Variants in SORL1 observed in about 807,000 individuals in gnomAD.
SORL1 encodes the protein sortilin-related receptor.
In SORL1, 127 loss-of-function variants were observed where a neutral mutation model predicts 273.7. The ratio of observed to expected loss-of-function variants is 0.46; its 90% CI spans 0.40 to 0.54. SORL1 has a LOEUF of 0.54. Among genes scored for constraint, SORL1 ranks in the 20% least tolerant of loss-of-function variants. SORL1 has a pLI of 0.00. For missense variants in SORL1, 2,494 were observed against 2,846.1 expected (o/e 0.88, Z 2.81); for synonymous variants, 1,031 against 1,067.4 (o/e 0.97, Z 0.66).
intron 3 of SORL1, among the ~76,000 whole-genome samples, chr11:121,486,831 C>T (rs1290978007): frequency 6.6e-6 from 1 of 152,118 alleles, no homozygotes; most frequent in Non-Finnish European, 1.5e-5. Flanking sequence ...TGTGATGGCA[C>T]ACACCTGTAG....
intron 20 of SORL1, among the ~76,000 whole-genome samples, 166 bp from the exon 21 acceptor site, chr11:121,559,353 G>A (rs1862639063): frequency 6.6e-6 from 1 of 152,180 alleles, no homozygotes; most frequent in Admixed American, 6.5e-5. Context: ...ATATGGTGAG[G>A]TTTGGATAAA....
At chr11:121,591,361 A>G (rs553820471) in intron 31 of SORL1, among the ~76,000 whole-genome samples, 7 of 152,350 alleles carry the variant, frequency 4.6e-5, no homozygotes, top group African/African-American at 1.4e-4. Flanking sequence ...TGCATAGGAA[A>G]TTGGAATGGG....
At chr11:121,610,919 A>G in intron 38 of SORL1, 157 bp from the exon 39 acceptor site, 1 of 580,022 alleles carries the variant, frequency 1.7e-6, no homozygotes, top group Non-Finnish European at 3.1e-6. Flanking sequence ...TCAGGAAAAC[A>G]GTGGTAAAAA....
chr11:121,574,782 C>G (rs1162674071), intron 24 of SORL1, among the ~76,000 whole-genome samples: 1 of 152,052 alleles, frequency 6.6e-6, no homozygotes, highest in Admixed American at 6.6e-5. Flanking sequence ...GGGAAATGGA[C>G]CCTGCTTTGC....
At chr11:121,621,293 C>A in intron 44 of SORL1, 55 bp downstream of exon 44, 1 of 1,458,732 alleles carries the variant, frequency 6.9e-7, no homozygotes, top group Non-Finnish European at 9.4e-7. Flanking sequence ...CAGTGCTGTG[C>A]CGCTAGACCT....
intron 8 of SORL1, among the ~76,000 whole-genome samples, chr11:121,519,825 G>C (rs1163866057): frequency 6.6e-6 from 1 of 152,196 alleles, no homozygotes; most frequent in Non-Finnish European, 1.5e-5. Flanking sequence ...AATTTCGTTA[G>C]TGATGTAATA....
intron 8 of SORL1, 89 bp from the exon 9 acceptor site, chr11:121,520,568 G>A: frequency 1.1e-6 from 1 of 879,270 alleles, no homozygotes. Flanking sequence ...CCACAAAATT[G>A]TATACTTTTA....
Position 121,586,324 on chromosome 11 carries a change from A to C in SORL1, c.3809A>C (p.His1270Pro). 6.2e-7 allele frequency: 1 copy of C among 1,611,882 alleles called. No homozygotes were observed. Among genetic ancestry groups the C allele is most frequent in the Non-Finnish European group, 8.5e-7 (1 of 1,177,880 alleles). Residue 1270 changes from histidine to proline, a missense_variant, in exon 27 of 48, where the codon CAC becomes CCC. Coordinates refer to ENST00000260197, the MANE Select transcript of SORL1 (RefSeq NM_003105.6). ...RDCSDGSDEQHCEPLCTHFMD... is the reference protein window; with the variant it reads ...RDCSDGSDEQPCEPLCTHFMD... The stretch of plus-strand genomic sequence containing the variant: ...TGCTCTGATGGCTCCGATGAACAGC[A>C]CTGCGGTGAGTTCATTCCTTGCCCC...
rs547575318 is a variant in SORL1, at chr11:121,538,530, CTTCT to C, written c.1686-5012_1686-5009del. Among the ~76,000 whole-genome samples the C allele has an allele frequency of 6.4e-3, 971 of 152,198 alleles. 1 individual carries two copies. Among genetic ancestry groups the C allele is most frequent in the Middle Eastern group, 0.024 (7 of 294 alleles). On this transcript the variant is annotated intron_variant, in intron 12 of 47. Transcript: ENST00000260197. ...CACTTTAACTAAAATACCTGAGATC[CTTCT>C]TTCTTATGGATCTTATTATACAATC...
chr11:121,476,980 T>G (rs1205864351), intron 2 of SORL1, among the ~76,000 whole-genome samples: 1 of 151,890 alleles, frequency 6.6e-6, no homozygotes, highest in African/African-American at 2.4e-5. Context: ...TCTGTAGATA[T>G]AGGGTCTCAC....
rs1861497618 is a variant in SORL1, at chr11:121,487,904, G to A, written c.529-128G>A. The A allele has an allele frequency of 5.8e-6, 5 of 867,544 alleles. No homozygotes were observed. In the South Asian group the frequency reaches 8.2e-5, roughly 14 times the overall value. The allele number at this position is 867,544 out of a possible 1,614,324, so 53.7% of individuals were successfully genotyped here. On this transcript the variant is annotated intron_variant, in intron 3 of 47. Coordinates refer to ENST00000260197, the MANE Select transcript of SORL1 (RefSeq NM_003105.6). ...GCCATTGTGGAAGCCCTGTAAGGCTGTGGTGCCTTGTTGGTGCCAGCTGGC... is the reference window on the plus strand; with the variant it reads ...GCCATTGTGGAAGCCCTGTAAGGCTATGGTGCCTTGTTGGTGCCAGCTGGC...
chr11:121,455,495 A>G (rs2134761312), intron 1 of SORL1, among the ~76,000 whole-genome samples: 1 of 152,352 alleles, frequency 6.6e-6, no homozygotes, highest in South Asian at 2.1e-4. Flanking sequence ...CTTGCATCTG[A>G]GAAAGAGCCC....
chr11:121,470,799 T>C (rs1353849954), intron 2 of SORL1, among the ~76,000 whole-genome samples: 2 of 152,146 alleles, frequency 1.3e-5, no homozygotes, highest in African/African-American at 4.8e-5. Flanking sequence ...CCACTCAGCC[T>C]CCAGAGTAGC....
At chr11:121,588,473 T>G (rs569088479) in intron 28 of SORL1, among the ~76,000 whole-genome samples, 1 of 152,278 alleles carries the variant, frequency 6.6e-6, no homozygotes, top group East Asian at 1.9e-4. Context: ...TTCTTGCCAG[T>G]ACTGTATCAG....
intron 44 of SORL1, among the ~76,000 whole-genome samples, chr11:121,621,789 C>A (rs1466883354): frequency 6.6e-6 from 1 of 152,192 alleles, no homozygotes; most frequent in Non-Finnish European, 1.5e-5. Context: ...ATGCTGGTGG[C>A]GTGCAGTGGG....
intron 16 of SORL1, among the ~76,000 whole-genome samples, chr11:121,551,011 A>G (rs997534721): frequency 6.6e-6 from 1 of 152,194 alleles, no homozygotes; most frequent in African/African-American, 2.4e-5. Context: ...AGTTGAGTAT[A>G]AAGAGGTGTG....
chr11:121,565,453 T>C (rs553884762), intron 21 of SORL1, among the ~76,000 whole-genome samples: 1 of 152,358 alleles, frequency 6.6e-6, no homozygotes, highest in African/African-American at 2.4e-5. Context: ...ATATCGACAC[T>C]GATTATCATT....
Position 121,604,314 on chromosome 11 carries a change from G to A in SORL1, c.4641G>A (p.Lys1547=). The A allele has an allele frequency of 1.2e-6, 2 of 1,613,774 alleles. No homozygotes were observed. The highest frequency in any genetic ancestry group is 1.7e-6 in the Non-Finnish European group (2 of 1,180,008). The part of the protein sequence containing the change: ...FLDCSDESDE[K]ACSDELTVYK... The stretch of plus-strand genomic sequence containing the variant: ...ACTGCTCGGACGAGAGCGATGAAAA[G>A]GCCTGCAGTGGTGAGTGCCGGTCCA... The change falls in exon 33 of 48, where the codon AAG becomes AAA. Residue 1547 remains lysine (K), a synonymous_variant. Coordinates refer to ENST00000260197, the MANE Select transcript of SORL1 (RefSeq NM_003105.6).
chr11:121,561,376 C>T (rs897081511), intron 21 of SORL1, among the ~76,000 whole-genome samples: 1 of 152,124 alleles, frequency 6.6e-6, no homozygotes, highest in Non-Finnish European at 1.5e-5. Flanking sequence ...CACATGCAAA[C>T]GTGGTGTCTT....
Sources: gnomAD v4.1 joint callset for allele counts (sites outside exome capture counted in the v4.1 genomes callset) on GRCh38, gnomAD v4.1.1 for gene constraint, MANE v1.5 for transcripts, NCBI Gene and HGNC (gene_info 2026-07-23, HGNC 2026-07-21) for gene names.